Variants in CPHXL observed in about 807,000 individuals in gnomAD.
The protein encoded by CPHXL is cytoplasmic polyadenylated homeobox-like protein.
chr16:75,714,323 CAT>C lies in CPHXL; in HGVS notation c.1117_1118del (p.Met373ValfsTer35), dbSNP rs1479206764. 7 of 398,530 alleles carry C rather than the reference CAT, an allele frequency of 1.8e-5. No homozygotes were observed. Among genetic ancestry groups the C allele is most frequent in the East Asian group, 7.1e-5 (2 of 28,086 alleles). The allele number at this position is 398,530 out of a possible 1,614,324, so 24.7% of individuals were successfully genotyped here. On this transcript the variant is annotated frameshift_variant, in exon 3 of 3. Coordinates refer to ENST00000640559, the MANE Select transcript of CPHXL (RefSeq NM_001355613.1). LOFTEE classifies it low-confidence loss of function (END_TRUNC). ...GKPLCSQLQH[M>X]SLQIAADSPL... ...GTGAGTCGGCAGCTATTTGGAGAGA[CAT>C]GTGCTGCAGTTGAGAGCACAACGGC...
chr16:75,716,018 G>T (rs978564960), intron 2 of CPHXL, among the ~76,000 whole-genome samples: 1 of 151,910 alleles, frequency 6.6e-6, no homozygotes, highest in African/African-American at 2.4e-5. Context: ...TTTCTTATAT[G>T]TACATAATTC....
intron 1 of CPHXL, among the ~76,000 whole-genome samples, chr16:75,719,193 T>C (rs547492723): frequency 6.6e-5 from 10 of 152,236 alleles, no homozygotes; most frequent in African/African-American, 9.6e-5. Flanking sequence ...AGAAGACAGG[T>C]GATTTCTCCA....
rs1959560621 is a variant in CPHXL, at chr16:75,726,415, T to TACC, written c.25_25+2dup. 1 of 398,486 alleles carries TACC rather than the reference T, an allele frequency of 2.5e-6. No individual in the cohort carries two copies. The highest frequency in any genetic ancestry group is 2.1e-5 in the African/African-American group (1 of 48,640). 24.7% of individuals were successfully genotyped at this position (398,486 alleles called of 1,614,324 possible). Reference sequence around the variant, plus strand: ...GTAAGAGAAAAAGCTGATGGGAACTTACCACCTGAAGTGCCGTCCAAATTC... The same window carrying TACC: ...GTAAGAGAAAAAGCTGATGGGAACTTACCACCACCTGAAGTGCCGTCCAAATTC... On this transcript the variant is annotated splice_region_variant and intron_variant, in intron 1 of 2. Coordinates refer to ENST00000640559, the MANE Select transcript of CPHXL (RefSeq NM_001355613.1).
chr16:75,723,252 G>T (rs1959503856), intron 1 of CPHXL, among the ~76,000 whole-genome samples: 2 of 152,182 alleles, frequency 1.3e-5, no homozygotes, highest in Admixed American at 6.5e-5. Flanking sequence ...TCTGGCCAGG[G>T]CAATCAGGCA....
chr16:75,723,549 G>A (rs1959508675), intron 1 of CPHXL, among the ~76,000 whole-genome samples: 1 of 152,184 alleles, frequency 6.6e-6, no homozygotes, highest in South Asian at 2.1e-4. Flanking sequence ...TACAAGGGAT[G>A]TGAAGGACCT....
Position 75,718,085 on chromosome 16 carries a change from G to A in CPHXL, c.219+180C>T, listed in dbSNP as rs150339655. Among the ~76,000 whole-genome samples the A allele has an allele frequency of 5.3e-3, 811 of 152,154 alleles. 10 individuals carry two copies. Among genetic ancestry groups the A allele is most frequent in the African/African-American group, 0.019 (776 of 41,502 alleles). ...CAAAACATAAAAGCCTGGCGGGGTG[G>A]TGTGTGCCTGTAGTCCCAGCTACTC... On this transcript the variant is annotated intron_variant, in intron 2 of 2. Transcript: ENST00000640559.
chr16:75,723,972 T>C (rs954690633), intron 1 of CPHXL, among the ~76,000 whole-genome samples: 1 of 152,148 alleles, frequency 6.6e-6, no homozygotes, highest in East Asian at 1.9e-4. Flanking sequence ...TAATGCCACA[T>C]ATCTACAACC....
chr16:75,726,353 T>G (rs938035919), intron 1 of CPHXL, 65 bp downstream of exon 1: 1 of 398,450 alleles, frequency 2.5e-6, no homozygotes, highest in Non-Finnish European at 4.4e-6. Flanking sequence ...CTTTAAACTT[T>G]GACACACTAT....
Position 75,726,124 on chromosome 16 carries a change from C to G in CPHXL, c.25+294G>C, listed in dbSNP as rs143314789. Among the ~76,000 whole-genome samples, 561 of 152,154 alleles carry G rather than the reference C, an allele frequency of 3.7e-3. 2 individuals carry two copies. Among genetic ancestry groups the G allele is most frequent in the African/African-American group, 0.013 (525 of 41,504 alleles). ...TGGTACTTTGTAATGGAAAGTAATA[C>G]ATCTTAATAAAATTCTACAGGATGC... On this transcript the variant is annotated intron_variant, in intron 1 of 2. Coordinates refer to ENST00000640559, the MANE Select transcript of CPHXL (RefSeq NM_001355613.1).
chr16:75,715,947 C>T, intron 2 of CPHXL, among the ~76,000 whole-genome samples: 1 of 152,152 alleles, frequency 6.6e-6, no homozygotes, highest in Non-Finnish European at 1.5e-5. Flanking sequence ...ATCTGCCCGC[C>T]TCAGCCTCCC....
chr16:75,724,174 G>T (rs992890481), intron 1 of CPHXL, among the ~76,000 whole-genome samples: 12 of 152,124 alleles, frequency 7.9e-5, no homozygotes, highest in Admixed American at 1.3e-4. Flanking sequence ...AAAAACCCTA[G>T]AAGAAAACCT....
chr16:75,720,234 T>A (rs964433908), intron 1 of CPHXL, among the ~76,000 whole-genome samples: 1 of 152,000 alleles, frequency 6.6e-6, no homozygotes, highest in African/African-American at 2.4e-5. Context: ...TCACCAGCAA[T>A]TGAACAAAGC....
At chr16:75,722,932 A>C (rs1959499243) in intron 1 of CPHXL, among the ~76,000 whole-genome samples, 1 of 152,230 alleles carries the variant, frequency 6.6e-6, no homozygotes, top group African/African-American at 2.4e-5. Context: ...CCTGGGATGC[A>C]AGGCTGGTTC....
chr16:75,714,208 T>G lies in CPHXL; in HGVS notation c.*16A>C. 1 of 398,724 alleles carries G rather than the reference T, an allele frequency of 2.5e-6. No homozygotes were observed. The highest frequency in any genetic ancestry group is 1.3e-4 in the South Asian group (1 of 7,856). 24.7% of individuals were successfully genotyped at this position (398,724 alleles called of 1,614,324 possible). On this transcript the variant is annotated 3_prime_UTR_variant, in exon 3 of 3. Coordinates refer to ENST00000640559, the MANE Select transcript of CPHXL (RefSeq NM_001355613.1). ...ATCCTTGGTTCCCTGCTGCAGACCCTTGTCCACTCTTCAACTTAAAGTTGC... is the reference window on the plus strand; with the variant it reads ...ATCCTTGGTTCCCTGCTGCAGACCCGTGTCCACTCTTCAACTTAAAGTTGC...
At position 75,715,050 on chromosome 16, in the gene CPHXL, C is replaced by G. The variant is rs779100259; in HGVS notation, c.392G>C (p.Arg131Thr). 1 of 398,498 alleles carries G rather than the reference C, an allele frequency of 2.5e-6. No individual in the cohort carries two copies. Among genetic ancestry groups the G allele is most frequent in the Admixed American group, 4.4e-5 (1 of 22,690 alleles). 24.7% of individuals were successfully genotyped at this position (398,498 alleles called of 1,614,324 possible). A position where few individuals can be genotyped will look rare whatever the true frequency, so the allele number is the denominator to read the frequency against. The part of the protein sequence containing the change: ...ATKQSLSGAQ[R>T]ALMRRAGCSH... ...GCAACCAGCTCTTCTCATCAGAGCC[C>G]TCTGGGCACCAGAGAGGCTCTGCTT... Residue 131 changes from arginine to threonine, a missense_variant, in exon 3 of 3, where the codon AGG (arginine) becomes ACG (threonine). Transcript: ENST00000640559.
rs562563936 is a variant in CPHXL at position 75,714,467 on chromosome 16, T to C, written c.975A>G (p.Leu325=). The C allele has an allele frequency of 5.0e-6, 2 of 398,636 alleles. No individual in the cohort carries two copies. Among genetic ancestry groups the C allele is most frequent in the East Asian group, 7.1e-5 (2 of 28,074 alleles). The allele number at this position is 398,636 out of a possible 1,614,324, so 24.7% of individuals were successfully genotyped here. Residue 325 remains leucine (L), a synonymous_variant, in exon 3 of 3, where the codon TTA becomes TTG. Coordinates refer to ENST00000640559, the MANE Select transcript of CPHXL (RefSeq NM_001355613.1). ...GCTGTTCCTGCAACATCATCCCCTC[T>C]AAGTAATTCTGAGGCTGTTGGTGCT... ...LQQHQQPQNY[L]EGMMLQEQLP... is the part of the protein sequence containing the mutation.
intron 2 of CPHXL, among the ~76,000 whole-genome samples, chr16:75,717,593 A>T (rs977210381): frequency 1.3e-5 from 2 of 152,150 alleles, no homozygotes; most frequent in East Asian, 1.9e-4. Flanking sequence ...TCATTTTAAA[A>T]TTTTTGTATT....
intron 1 of CPHXL, among the ~76,000 whole-genome samples, 175 bp downstream of exon 1, chr16:75,726,243 A>T (rs1959557701): frequency 6.6e-6 from 1 of 152,176 alleles, no homozygotes; most frequent in South Asian, 2.1e-4. Flanking sequence ...TTTACATTTG[A>T]AATTCAAGAG....
chr16:75,724,082 T>G (rs1040878191), intron 1 of CPHXL, among the ~76,000 whole-genome samples: 1 of 152,218 alleles, frequency 6.6e-6, no homozygotes, highest in African/African-American at 2.4e-5. Flanking sequence ...AGTAGAAAGC[T>G]GAAACTGGAT....
Sources: allele counts gnomAD v4.1 joint callset (sites outside exome capture counted in the v4.1 genomes callset), GRCh38; gene constraint gnomAD v4.1.1; transcripts MANE v1.5; gene names NCBI Gene and HGNC (gene_info 2026-07-23, HGNC 2026-07-21).